The following SLC16A14 variants were observed in gnomAD, a reference collection of about 807,000 sequenced individuals.
The protein encoded by SLC16A14 is solute carrier family 16 member 14.
SLC16A14 carries 14 observed loss-of-function variants against 35.8 expected under a neutral mutation model. The observed-to-expected ratio is 0.39, with a 90% CI of 0.26 to 0.61. The LOEUF is 0.61. SLC16A14 is among the 20% of genes least tolerant of loss of function. The pLI, the probability that SLC16A14 is intolerant of heterozygous loss-of-function variation, is 0.51. For missense variants in SLC16A14, 533 were observed against 655.0 expected (o/e 0.81, Z 2.03); for synonymous variants, 248 against 258.9 (o/e 0.96, Z 0.40).
chr2:230,057,355 TG>T (rs2077713976), intron 2 of SLC16A14, among the ~76,000 whole-genome samples: 1 of 152,346 alleles, frequency 6.6e-6, no homozygotes, highest in Admixed American at 6.5e-5. Flanking sequence ...TATCTCCAGC[TG>T]TATAAGATTT....
chr2:230,062,065 T>C (rs1039028409), intron 1 of SLC16A14, among the ~76,000 whole-genome samples: 5 of 152,120 alleles, frequency 3.3e-5, no homozygotes, highest in Non-Finnish European at 5.9e-5. Context: ...TTGAAATATA[T>C]TCTTTTAATT....
intron 2 of SLC16A14, among the ~76,000 whole-genome samples, chr2:230,051,937 CTT>C (rs11303379): frequency 4.2e-4 from 59 of 139,330 alleles, no homozygotes; most frequent in Admixed American, 1.2e-3. Flanking sequence ...ATTAAACATA[CTT>C]TTTTTTTTTT....
rs75799369 is a variant in SLC16A14 at position 230,050,536 on chromosome 2, G to A, written c.260-632C>T. ...GAGGGAAAAAAAGAACTGTTATCGG[G>A]TCCTTCAATCAATGGTTTTTAAACT... is the stretch of plus-strand genomic sequence containing the variant. On this transcript the variant is annotated intron_variant, in intron 2 of 4. Coordinates refer to ENST00000295190, the MANE Select transcript of SLC16A14 (RefSeq NM_152527.5). Among the ~76,000 whole-genome samples, 908 of 152,284 alleles carry A rather than the reference G, an allele frequency of 6.0e-3. 8 individuals carry two copies. Among genetic ancestry groups the A allele is most frequent in the African/African-American group, 0.021 (858 of 41,566 alleles).
At chr2:230,042,976 T>C (rs969151890) in intron 4 of SLC16A14, among the ~76,000 whole-genome samples, 6 of 152,292 alleles carry the variant, frequency 3.9e-5, no homozygotes, top group African/African-American at 1.2e-4. Flanking sequence ...CCCAATATCC[T>C]CCAGTCCCTG....
At chr2:230,044,952 T>G (rs2077591768) in intron 4 of SLC16A14, among the ~76,000 whole-genome samples, 1 of 152,188 alleles carries the variant, frequency 6.6e-6, no homozygotes, top group Non-Finnish European at 1.5e-5. Flanking sequence ...AATGTAGGGC[T>G]GGATCAAGTC....
At chr2:230,066,549 A>G in intron 1 of SLC16A14, 2 of 379,420 alleles carry the variant, frequency 5.3e-6, no homozygotes, top group South Asian at 4.0e-5. Context: ...ATAGGCAGAA[A>G]TGAAAATAAC....
chr2:230,059,276 G>T lies in SLC16A14; in HGVS notation c.77C>A (p.Pro26Gln). 1 of 1,614,010 alleles carries T rather than the reference G, an allele frequency of 6.2e-7. No individual in the cohort carries two copies. The highest frequency in any genetic ancestry group is 8.5e-7 in the Non-Finnish European group (1 of 1,179,882). Residue 26 changes from proline to glutamine, a missense_variant, in exon 2 of 5, where the codon CCA becomes CAA. Pro to Gln is a moderately conservative substitution (Grantham distance 76). Transcript: ENST00000295190. ...PKDKKTLKPH[P>Q]NIDGGWAWMM... ...CCAAGCCCATCCGCCATCAATGTTTGGGTGGGGCTTCAGTGTCTTTTTGTC... is the reference window on the plus strand; with the variant it reads ...CCAAGCCCATCCGCCATCAATGTTTTGGTGGGGCTTCAGTGTCTTTTTGTC...
chr2:230,066,674 G>A (rs1193201997), intron 1 of SLC16A14: 1 of 406,534 alleles, frequency 2.5e-6, no homozygotes, highest in East Asian at 8.1e-5. Context: ...TGGCTTTGTC[G>A]CCCAGGCTGG....
At chr2:230,064,879 G>T (rs866023854) in intron 1 of SLC16A14, among the ~76,000 whole-genome samples, 1 of 151,858 alleles carries the variant, frequency 6.6e-6, no homozygotes, top group African/African-American at 2.4e-5. Context: ...GTGTGGTGGC[G>T]CATGCCTGTA....
rs779728886 is a variant in SLC16A14, at chr2:230,049,835, T to G, written c.329A>C (p.Asn110Thr). 1.2e-6 allele frequency: 2 copies of G among 1,613,832 alleles called. No individual in the cohort carries two copies. The highest frequency in any genetic ancestry group is 1.7e-6 in the Non-Finnish European group (2 of 1,180,002). ...RQTAIIGGLV[N>T]SLGWVLSAYA... ...GGCACTCAACACCCAGCCCAGGGAG[T>G]TGACGAGCCCTCCAATGATCGCAGT... The change falls in exon 3 of 5, where the codon AAC (asparagine) becomes ACC (threonine). Residue 110 changes from asparagine to threonine, a missense_variant. Asn to Thr is a moderately conservative substitution (Grantham distance 65). Coordinates refer to ENST00000295190, the MANE Select transcript of SLC16A14 (RefSeq NM_152527.5).
rs1443709868 is a variant in SLC16A14 at position 230,038,923 on chromosome 2, TA to T, written c.1382-1393del. The stretch of plus-strand genomic sequence containing the variant: ...CTCCATCTCAAAAAATAAAATGAAA[TA>T]AAAAAATAAGATTTTATGATCAAAC... On this transcript the variant is annotated intron_variant, in intron 4 of 4. Transcript: ENST00000295190. This position sits in a 1 kb window ranked among gnomAD's most constrained non-coding sequence, Gnocchi z 4.4. Among the ~76,000 whole-genome samples the T allele has an allele frequency of 1.3e-5, 2 of 151,800 alleles. No homozygotes were observed. Among genetic ancestry groups the T allele is most frequent in the African/African-American group, 4.8e-5 (2 of 41,348 alleles).
rs534945312 is a variant in SLC16A14, at chr2:230,037,276, A to C, written c.*104T>G. On this transcript the variant is annotated 3_prime_UTR_variant, in exon 5 of 5. Transcript: ENST00000295190. The stretch of plus-strand genomic sequence containing the variant: ...GCATTTACAAATGACAGTGCCAGTT[A>C]CCGTACAAAATGCTTTCCCACGTCC... The C allele has an allele frequency of 3.9e-4, 406 of 1,045,228 alleles. 2 individuals are homozygous for C. The highest frequency in any genetic ancestry group is 3.4e-5 in the Non-Finnish European group (25 of 737,494). The allele number at this position is 1,045,228 out of a possible 1,614,324, so 64.7% of individuals were successfully genotyped here. A position where few individuals can be genotyped will look rare whatever the true frequency, so the allele number is the denominator to read the frequency against.
Position 230,046,473 on chromosome 2 carries a change from G to C in SLC16A14, c.653C>G (p.Pro218Arg), listed in dbSNP as rs1245315884. ...CACATCTTTCTCTCCTGGGTCGTTTGGGTTTTTACCAGGAGAGAGGGGCCT... is the reference window on the plus strand; with the variant it reads ...CACATCTTTCTCTCCTGGGTCGTTTCGGTTTTTACCAGGAGAGAGGGGCCT... ...LMRPLSPGKN[P>R]NDPGEKDVRG... Residue 218 changes from proline (P) to arginine (R), a missense_variant, in exon 4 of 5, where the codon CCA (proline) becomes CGA (arginine). Transcript: ENST00000295190. The surrounding 1 kb of genome is among the most constrained non-coding windows in gnomAD (Gnocchi z 5.0). 1 of 1,614,160 alleles carries C rather than the reference G, an allele frequency of 6.2e-7. No individual in the cohort carries two copies.
At chr2:230,051,487 T>A (rs2077659458) in intron 2 of SLC16A14, among the ~76,000 whole-genome samples, 1 of 152,194 alleles carries the variant, frequency 6.6e-6, no homozygotes, top group Non-Finnish European at 1.5e-5. Context: ...ATTGTCAACC[T>A]TCTTTATTCT....
chr2:230,036,393 A>G lies in SLC16A14; in HGVS notation c.*987T>C, dbSNP rs1334325874. ...CTCCAGTGTCAGATGTGGCACAGAC[A>G]TCTACACTAATGGCATTCCATTTAT... On this transcript the variant is annotated 3_prime_UTR_variant, in exon 5 of 5. Coordinates refer to ENST00000295190, the MANE Select transcript of SLC16A14 (RefSeq NM_152527.5). The G allele has an allele frequency of 6.6e-6, 1 of 152,254 alleles. No homozygotes were observed. Among genetic ancestry groups the G allele is most frequent in the African/African-American group, 2.4e-5 (1 of 41,478 alleles). 9.4% of individuals were successfully genotyped at this position (152,254 alleles called of 1,614,324 possible).
intron 1 of SLC16A14, among the ~76,000 whole-genome samples, chr2:230,060,883 G>A (rs1048096893): frequency 7.0e-6 from 1 of 142,230 alleles, no homozygotes; most frequent in Non-Finnish European, 1.6e-5. Flanking sequence ...TGATGGTAGT[G>A]GGATGGAAAA....
intron 2 of SLC16A14, among the ~76,000 whole-genome samples, chr2:230,050,287 T>A (rs572369413): frequency 8.7e-4 from 132 of 152,348 alleles, no homozygotes; most frequent in Middle Eastern, 6.8e-3. Flanking sequence ...AAAAGTCCAG[T>A]GGCAACACAG....
chr2:230,046,326 C>T lies in SLC16A14; in HGVS notation c.800G>A (p.Cys267Tyr). The T allele has an allele frequency of 6.2e-7, 1 of 1,614,130 alleles. No homozygotes were observed. The highest frequency in any genetic ancestry group is 8.5e-7 in the Non-Finnish European group (1 of 1,180,002). Residue 267 changes from cysteine (C) to tyrosine (Y), a missense_variant, in exon 4 of 5, where the codon TGC becomes TAC. By Grantham distance (194) the Cys-to-Tyr change is radical. Transcript: ENST00000295190. The surrounding 1 kb of genome is among the most constrained non-coding windows in gnomAD (Gnocchi z 5.0). Reference sequence around the variant, plus strand: ...CTTCCTGTGCCCGGCCTGATCGGGGCACTCCTGGGCTTGCAGGTCGCAGAG... The same window carrying T: ...CTTCCTGTGCCCGGCCTGATCGGGGTACTCCTGGGCTTGCAGGTCGCAGAG... ...ETLCDLQAQECPDQAGHRKNM... is the reference protein window; with the variant it reads ...ETLCDLQAQEYPDQAGHRKNM...
chr2:230,063,042 C>G (rs995442729), intron 1 of SLC16A14, among the ~76,000 whole-genome samples: 2 of 152,100 alleles, frequency 1.3e-5, no homozygotes, highest in African/African-American at 4.8e-5. Flanking sequence ...AATCCCAGCA[C>G]TTTGGGAGGC....
Sources: gnomAD v4.1 joint callset for allele counts (sites outside exome capture counted in the v4.1 genomes callset) on GRCh38, gnomAD v4.1.1 for gene constraint, Gnocchi (gnomAD v3.1) non-coding constraint, MANE v1.5 for transcripts, NCBI Gene and HGNC (gene_info 2026-07-23, HGNC 2026-07-21) for gene names.